Variants in KIF21A observed in about 807,000 individuals in gnomAD.
KIF21A encodes the protein kinesin-like protein KIF21A.
A neutral mutation model predicts 202.9 loss-of-function variants in KIF21A; 114 were observed. The observed-to-expected ratio is 0.56, with a 90% CI of 0.48 to 0.66. KIF21A has a LOEUF of 0.66. Ranked by LOEUF, KIF21A falls within the 30% of genes least tolerant of loss-of-function variation. The pLI, the probability that KIF21A is intolerant of heterozygous loss-of-function variation, is 0.00. For missense variants in KIF21A, 1,677 were observed against 1,994.9 expected (o/e 0.84, Z 3.04); for synonymous variants, 667 against 670.8 (o/e 0.99, Z 0.09).
intron 1 of KIF21A, among the ~76,000 whole-genome samples, chr12:39,404,596 C>T (rs73088803): frequency 0.011 from 1,665 of 152,248 alleles, 39 homozygotes; most frequent in African/African-American, 0.036. Flanking sequence ...TAAAAATCCT[C>T]TTTTCCCTTG....
chr12:39,322,959 T>C, intron 26 of KIF21A, 77 bp from the exon 27 acceptor site: 1 of 1,146,888 alleles, frequency 8.7e-7, no homozygotes, highest in East Asian at 2.4e-5. Context: ...GAGATTTATA[T>C]GAGTTTGAAA....
rs554468666 is a variant in KIF21A at position 39,398,473 on chromosome 12, C to T, written c.45-28212G>A. Among the ~76,000 whole-genome samples the T allele has an allele frequency of 7.8e-4, 119 of 152,188 alleles. 1 individual carries two copies. The Middle Eastern group carries it at 0.01, about 13-fold the overall frequency. ...AAAATTAAACAGGCATAGTGGCATGCGCCTGTAGTCCCAGCTACTCAGGAG... is the reference window on the plus strand; with the variant it reads ...AAAATTAAACAGGCATAGTGGCATGTGCCTGTAGTCCCAGCTACTCAGGAG... On this transcript the variant is annotated intron_variant, in intron 1 of 37. Coordinates refer to ENST00000361418, the MANE Select transcript of KIF21A (RefSeq NM_001173464.2).
chr12:39,437,901 T>C (rs558233792), intron 1 of KIF21A, among the ~76,000 whole-genome samples: 1 of 152,338 alleles, frequency 6.6e-6, no homozygotes, highest in South Asian at 2.1e-4. Flanking sequence ...TTTGCTTCCA[T>C]ATTTTTTGAA....
intron 1 of KIF21A, among the ~76,000 whole-genome samples, chr12:39,423,346 A>T (rs1230842044): frequency 1.3e-5 from 2 of 151,690 alleles, no homozygotes; most frequent in Non-Finnish European, 2.9e-5. Flanking sequence ...AAGCACATGT[A>T]AGGATAGACC....
chr12:39,358,090 G>C lies in KIF21A; in HGVS notation c.1215+88C>G, dbSNP rs1314710399. On this transcript the variant is annotated intron_variant, in intron 8 of 37. Transcript: ENST00000361418. Reference sequence around the variant, plus strand: ...CTATTATGACAACCAAGAGATTCCAGAAACACGTATGTGTAAGGCATTATT... The same window carrying C: ...CTATTATGACAACCAAGAGATTCCACAAACACGTATGTGTAAGGCATTATT... The C allele has an allele frequency of 3.5e-6, 4 of 1,132,216 alleles. No homozygotes were observed. In the East Asian group the frequency reaches 9.4e-5, roughly 27 times the overall value. 70.1% of individuals were successfully genotyped at this position (1,132,216 alleles called of 1,614,324 possible). A position where few individuals can be genotyped will look rare whatever the true frequency, so the allele number is the denominator to read the frequency against.
intron 26 of KIF21A, among the ~76,000 whole-genome samples, chr12:39,325,400 C>A (rs141594666): frequency 0.011 from 1,633 of 150,572 alleles, 38 homozygotes; most frequent in African/African-American, 0.036. Context: ...TGCGCGATCT[C>A]GGTTCACTGC....
chr12:39,403,938 C>T (rs1952375728), intron 1 of KIF21A, among the ~76,000 whole-genome samples: 1 of 152,168 alleles, frequency 6.6e-6, no homozygotes, highest in African/African-American at 2.4e-5. Context: ...AGAACTGCTA[C>T]CTGTCAAAAG....
chr12:39,418,895 C>G (rs1244596738), intron 1 of KIF21A, among the ~76,000 whole-genome samples: 1 of 152,208 alleles, frequency 6.6e-6, no homozygotes, highest in Non-Finnish European at 1.5e-5. Flanking sequence ...GTGCCAGGAA[C>G]TGTACTTAGA....
intron 1 of KIF21A, among the ~76,000 whole-genome samples, chr12:39,416,831 A>ATATG (rs1307092506): frequency 7.0e-6 from 1 of 142,984 alleles, no homozygotes; most frequent in African/African-American, 2.5e-5. Flanking sequence ...ATGTACATAT[A>ATATG]TGTGTATATA....
intron 1 of KIF21A, among the ~76,000 whole-genome samples, chr12:39,430,167 T>C (rs7970944): frequency 0.13 from 19,507 of 147,730 alleles, 1,358 homozygotes; most frequent in African/African-American, 0.18. Flanking sequence ...CTGGTCAACA[T>C]AGCAAAACCC....
chr12:39,429,158 A>C (rs574139333), intron 1 of KIF21A, among the ~76,000 whole-genome samples: 1 of 152,324 alleles, frequency 6.6e-6, no homozygotes, highest in African/African-American at 2.4e-5. Flanking sequence ...TATGCCAAAG[A>C]GCTCACCTTG....
At chr12:39,358,513 C>A in intron 7 of KIF21A, 140 bp from the exon 8 acceptor site, 1 of 736,122 alleles carries the variant, frequency 1.4e-6, no homozygotes, top group East Asian at 2.6e-5. Flanking sequence ...AGCCCCTGTA[C>A]TTGAAGACTA....
In KIF21A at chr12:39,319,961, T is replaced by A. The variant is rs776087480; in HGVS notation, c.3724A>T (p.Thr1242Ser). 6.2e-7 allele frequency: 1 copy of A among 1,609,864 alleles called. No individual in the cohort carries two copies. ...GCTTTCTCATATGCCTTTCTCCTTG[T>A]TACAGGAGAAGGCTCTGGAATTTTT... The part of the protein sequence containing the change: ...EKKIPEPSPV[T>S]RRKAYEKAEK... The change falls in exon 28 of 38, where the codon ACA (threonine) becomes TCA (serine). Residue 1242 changes from threonine (T) to serine (S), a missense_variant. By Grantham distance (58) the Thr-to-Ser change is moderately conservative. Coordinates refer to ENST00000361418, the MANE Select transcript of KIF21A (RefSeq NM_001173464.2).
Position 39,442,154 on chromosome 12 carries a change from C to A in KIF21A, c.44+773G>T, listed in dbSNP as rs756218597. ...TAGTATTTCCAGACTCACACCCTGG[C>A]CTGGGTAACGTTACGATTACATTGT... On this transcript the variant is annotated intron_variant, in intron 1 of 37. Coordinates refer to ENST00000361418, the MANE Select transcript of KIF21A (RefSeq NM_001173464.2). The surrounding 1 kb of genome is among the most constrained non-coding windows in gnomAD (Gnocchi z 5.0). Among the ~76,000 whole-genome samples the A allele has an allele frequency of 1.3e-5, 2 of 152,140 alleles. No homozygotes were observed. The highest frequency in any genetic ancestry group is 2.9e-5 in the Non-Finnish European group (2 of 68,022).
At chr12:39,301,897 A>T (rs908243469) in intron 36 of KIF21A, among the ~76,000 whole-genome samples, 5 of 152,236 alleles carry the variant, frequency 3.3e-5, no homozygotes, top group Admixed American at 2.6e-4. Flanking sequence ...TGTTATCAGC[A>T]TATAAGGGCT....
rs371875571 is a variant in KIF21A at position 39,370,297 on chromosome 12, A to G, written c.45-36T>C. On this transcript the variant is annotated intron_variant, in intron 1 of 37. Coordinates refer to ENST00000361418, the MANE Select transcript of KIF21A (RefSeq NM_001173464.2). ...TAATCAGAAAAGAAAAAAATAAAAT[A>G]AATGGCAAAAAAAAACCTCTCAAAA... 2.7e-5 allele frequency: 40 copies of G among 1,497,356 alleles called. No homozygotes were observed. In the African/African-American group the frequency reaches 5.9e-4, roughly 22 times the overall value. 92.8% of individuals were successfully genotyped at this position (1,497,356 alleles called of 1,614,324 possible).
At chr12:39,433,520 C>T (rs1938250106) in intron 1 of KIF21A, among the ~76,000 whole-genome samples, 1 of 152,140 alleles carries the variant, frequency 6.6e-6, no homozygotes, top group African/African-American at 2.4e-5. Context: ...AAAGCATTAG[C>T]AATATTTCCA....
At chr12:39,411,937 A>G (rs963130395) in intron 1 of KIF21A, among the ~76,000 whole-genome samples, 1 of 151,484 alleles carries the variant, frequency 6.6e-6, no homozygotes, top group Non-Finnish European at 1.5e-5. Flanking sequence ...TGGGTTCAAG[A>G]GATTCTCCTG....
chr12:39,419,593 G>A (rs1048114450), intron 1 of KIF21A, among the ~76,000 whole-genome samples: 1 of 152,242 alleles, frequency 6.6e-6, no homozygotes, highest in South Asian at 2.1e-4. Flanking sequence ...AAGTCTCAAG[G>A]TAAGTTGCTA....
Sources: allele counts gnomAD v4.1 joint callset (sites outside exome capture counted in the v4.1 genomes callset), GRCh38; gene constraint gnomAD v4.1.1; non-coding constraint Gnocchi (gnomAD v3.1); transcripts MANE v1.5; gene names NCBI Gene and HGNC (gene_info 2026-07-23, HGNC 2026-07-21).